HS6ST3: variants seen among roughly 807,000 people sequenced by gnomAD.
HS6ST3 encodes heparan-sulfate 6-O-sulfotransferase 3.
In HS6ST3, 12 loss-of-function variants were observed where a neutral mutation model predicts 36.7. That is an observed-to-expected ratio of 0.33 (90% CI 0.21 to 0.53). The LOEUF (loss-of-function observed/expected upper bound fraction) is 0.53, where lower values mean the gene tolerates loss of function less well. Among genes scored for constraint, HS6ST3 ranks in the 20% least tolerant of loss-of-function variants. The probability of loss-of-function intolerance (pLI) is 0.95; values close to 1 mark genes in which losing one functional copy is unlikely to be tolerated. For missense variants in HS6ST3, 584 were observed against 640.9 expected (o/e 0.91, Z 0.96); for synonymous variants, 240 against 257.5 (o/e 0.93, Z 0.65).
chr13:96,483,993 T>G (rs2055901882), intron 1 of HS6ST3, among the ~76,000 whole-genome samples: 1 of 152,184 alleles, frequency 6.6e-6, no homozygotes, highest in Non-Finnish European at 1.5e-5. Flanking sequence ...TACTGCTTGT[T>G]GAAAAGACTA....
At chr13:96,188,009 T>A (rs899258960) in intron 1 of HS6ST3, among the ~76,000 whole-genome samples, 5 of 152,208 alleles carry the variant, frequency 3.3e-5, no homozygotes, top group Non-Finnish European at 7.3e-5. Context: ...GCTGGTTATA[T>A]GCATAATTAC....
At chr13:96,110,556 C>T (rs2053863380) in intron 1 of HS6ST3, among the ~76,000 whole-genome samples, 3 of 151,920 alleles carry the variant, frequency 2.0e-5, no homozygotes, top group Admixed American at 2.0e-4. Context: ...CCTGCCTCAG[C>T]CTCCTGAGTA....
In HS6ST3 at chr13:96,114,902, G is replaced by T. The variant is rs370515461; in HGVS notation, c.707+23333G>T. ...CTTCTTTAGTGCAAGGACTCTACCTGTTTGTATTAACATTCTGGGTCATGG... is the reference window on the plus strand; with the variant it reads ...CTTCTTTAGTGCAAGGACTCTACCTTTTTGTATTAACATTCTGGGTCATGG... On this transcript the variant is annotated intron_variant, in intron 1 of 1. Transcript: ENST00000376705. Among the ~76,000 whole-genome samples the T allele has an allele frequency of 8.5e-5, 13 of 152,314 alleles. No individual in the cohort carries two copies. The East Asian group carries it at 2.5e-3, about 29-fold the overall frequency.
chr13:96,644,820 G>T (rs1214049821), intron 1 of HS6ST3, among the ~76,000 whole-genome samples: 1 of 151,930 alleles, frequency 6.6e-6, no homozygotes, highest in Non-Finnish European at 1.5e-5. Flanking sequence ...GACAAACCAT[G>T]CTTCAAAAAA....
chr13:96,467,318 G>T (rs981785853), intron 1 of HS6ST3, among the ~76,000 whole-genome samples: 2 of 152,174 alleles, frequency 1.3e-5, no homozygotes, highest in East Asian at 3.8e-4. Context: ...ATCTTAGCAC[G>T]TGGCACAGTC....
At chr13:96,581,398 T>C (rs563337277) in intron 1 of HS6ST3, among the ~76,000 whole-genome samples, 15 of 151,948 alleles carry the variant, frequency 9.9e-5, no homozygotes, top group Admixed American at 2.0e-4. Flanking sequence ...TTTTTGTATT[T>C]TTTTTAGTAG....
At chr13:96,381,715 C>G (rs2055342557) in intron 1 of HS6ST3, among the ~76,000 whole-genome samples, 1 of 152,234 alleles carries the variant, frequency 6.6e-6, no homozygotes, top group Non-Finnish European at 1.5e-5. Flanking sequence ...AGTCTTAAGG[C>G]CTGGCTAGGA....
intron 1 of HS6ST3, among the ~76,000 whole-genome samples, chr13:96,492,508 G>A (rs1398038126): frequency 6.6e-6 from 1 of 152,188 alleles, no homozygotes; most frequent in African/African-American, 2.4e-5. Flanking sequence ...ACTTTGCCTT[G>A]CCAGGCATCC....
intron 1 of HS6ST3, among the ~76,000 whole-genome samples, chr13:96,210,584 C>CT (rs201409959): frequency 2.0e-3 from 295 of 144,800 alleles, no homozygotes; most frequent in Middle Eastern, 3.6e-3. Context: ...TCATTTCTTT[C>CT]TTTTTTTTTT....
intron 1 of HS6ST3, among the ~76,000 whole-genome samples, chr13:96,597,089 C>T (rs2056404384): frequency 6.6e-6 from 1 of 152,122 alleles, no homozygotes; most frequent in Non-Finnish European, 1.5e-5. Context: ...AATGCAGGAA[C>T]AGAAAACCAA....
intron 1 of HS6ST3, among the ~76,000 whole-genome samples, chr13:96,464,801 T>G (rs1033687939): frequency 6.6e-6 from 1 of 152,188 alleles, no homozygotes; most frequent in South Asian, 2.1e-4. Context: ...ACAGTTTTTC[T>G]AATCCAATCA....
At chr13:96,187,675 A>T (rs565537599) in intron 1 of HS6ST3, among the ~76,000 whole-genome samples, 1 of 152,186 alleles carries the variant, frequency 6.6e-6, no homozygotes, top group Non-Finnish European at 1.5e-5. Flanking sequence ...TAAATGTATT[A>T]TTTATGGCAG....
chr13:96,498,686 C>T (rs545365111), intron 1 of HS6ST3, among the ~76,000 whole-genome samples: 2 of 152,318 alleles, frequency 1.3e-5, no homozygotes, highest in South Asian at 2.1e-4. Flanking sequence ...TACAGTCACC[C>T]TTTGTAATGT....
intron 1 of HS6ST3, among the ~76,000 whole-genome samples, chr13:96,618,157 T>C (rs908563693): frequency 6.6e-6 from 1 of 152,194 alleles, no homozygotes; most frequent in African/African-American, 2.4e-5. Context: ...TGGAGTGCAG[T>C]GGTGCAATCA....
At chr13:96,331,782 C>T (rs1157527961) in intron 1 of HS6ST3, among the ~76,000 whole-genome samples, 2 of 152,070 alleles carry the variant, frequency 1.3e-5, no homozygotes, top group East Asian at 3.9e-4. Context: ...CCCCCAGCCT[C>T]GCTGCCGCCT....
intron 1 of HS6ST3, among the ~76,000 whole-genome samples, chr13:96,355,399 AC>A (rs1173516998): frequency 2.1e-5 from 3 of 143,096 alleles, no homozygotes; most frequent in Middle Eastern, 3.4e-3. Flanking sequence ...ACACACACAC[AC>A]ACAAACACAC....
At chr13:96,440,462 AAGGGG>A (rs1245250942) in intron 1 of HS6ST3, among the ~76,000 whole-genome samples, 3 of 108,986 alleles carry the variant, frequency 2.8e-5, no homozygotes, top group African/African-American at 3.7e-5. Flanking sequence ...AAAGAAAGGA[AAGGGG>A]AGGGGAGGGG....
chr13:96,393,209 T>G (rs1854263), intron 1 of HS6ST3, among the ~76,000 whole-genome samples: 125,668 of 152,024 alleles, frequency 0.83, 52,315 homozygotes, highest in Non-Finnish European at 0.87. Flanking sequence ...CTCTTTTTCT[T>G]CATAAATGAT....
At chr13:96,359,643 G>A (rs2055227435) in intron 1 of HS6ST3, among the ~76,000 whole-genome samples, 2 of 152,068 alleles carry the variant, frequency 1.3e-5, no homozygotes, top group Non-Finnish European at 2.9e-5. Context: ...TGACACATAG[G>A]CTTTCAGGAA....
Sources: gnomAD v4.1 joint callset for allele counts (sites outside exome capture counted in the v4.1 genomes callset) on GRCh38, gnomAD v4.1.1 for gene constraint, MANE v1.5 for transcripts, NCBI Gene and HGNC (gene_info 2026-07-23, HGNC 2026-07-21) for gene names.